The following TSPEAR variants were observed in gnomAD, a reference collection of about 807,000 sequenced individuals.
TSPEAR encodes thrombospondin-type laminin G domain and EAR repeat-containing protein.
In TSPEAR, 69 loss-of-function variants were observed where a neutral mutation model predicts 71.6. The observed-to-expected ratio is 0.96, with a 90% CI of 0.79 to 1.18. TSPEAR has a LOEUF of 1.18. Among genes scored for constraint, TSPEAR ranks in the 50% most tolerant of loss-of-function variants. The pLI is 0.00. For missense variants in TSPEAR, 971 were observed against 894.9 expected, an observed-to-expected ratio of 1.09 and a Z score of -1.09; for synonymous variants, 402 against 387.2, an observed-to-expected ratio of 1.04 and a Z score of -0.45.
In TSPEAR at chr21:44,529,814, C is replaced by T. The variant is rs2052930640; in HGVS notation, c.774G>A (p.Val258=). 6.2e-7 allele frequency: 1 copy of T among 1,613,780 alleles called. No individual in the cohort carries two copies. The highest frequency in any genetic ancestry group is 8.5e-7 in the Non-Finnish European group (1 of 1,179,974). Residue 258 remains valine (V), a synonymous_variant, in exon 5 of 12, where the codon GTG becomes GTA. Transcript: ENST00000323084. ...ALTGKPEDNE[V]LKYPYETNIR... ...CCTACTAACCATAGGGATATTTTAG[C>T]ACCTCGTTATCTTCTGGCTTCCCCG...
chr21:44,517,039 T>C (rs1263478187), intron 9 of TSPEAR, among the ~76,000 whole-genome samples: 1 of 152,156 alleles, frequency 6.6e-6, no homozygotes, highest in Admixed American at 6.5e-5. Context: ...GGCCCCTGTG[T>C]CTCTGCCTTC....
At chr21:44,573,551 C>G (rs1279983017) in intron 1 of TSPEAR, among the ~76,000 whole-genome samples, 7 of 152,316 alleles carry the variant, frequency 4.6e-5, no homozygotes, top group Middle Eastern at 3.4e-3. Flanking sequence ...AGCAACAGCT[C>G]TTGGGAAACA....
intron 2 of TSPEAR, chr21:44,550,772 G>A (rs2146029881): frequency 6.2e-7 from 1 of 1,614,226 alleles, no homozygotes; most frequent in East Asian, 2.2e-5. Flanking sequence ...GGGACACAGA[G>A]GAGGAGGGTC....
rs1284254547 is a variant in TSPEAR at position 44,689,739 on chromosome 21, A to T, written c.82+21694T>A. ...TATATATATATATATATATATATAT[A>T]TTTTGGGGGGGGTTACTAAGTATTA... On this transcript the variant is annotated intron_variant, in intron 1 of 11. Transcript: ENST00000323084. Among the ~76,000 whole-genome samples, 285 of 128,176 alleles carry T rather than the reference A, an allele frequency of 2.2e-3. 8 individuals carry two copies. The highest frequency in any genetic ancestry group is 8.5e-3 in the African/African-American group (269 of 31,672). The allele number at this position is 128,176 out of a possible 152,430, so 84.1% of individuals were successfully genotyped here. A position where few individuals can be genotyped will look rare whatever the true frequency, so the allele number is the denominator to read the frequency against.
chr21:44,674,756 G>A (rs1038681716), intron 1 of TSPEAR, among the ~76,000 whole-genome samples: 30 of 147,818 alleles, frequency 2.0e-4, no homozygotes, highest in Middle Eastern at 3.2e-3. Flanking sequence ...GTGTGTGTGT[G>A]TGTGTGTGTG....
intron 1 of TSPEAR, among the ~76,000 whole-genome samples, chr21:44,689,925 G>A (rs1477534781): frequency 1.3e-5 from 2 of 151,332 alleles, no homozygotes; most frequent in African/African-American, 2.4e-5. Context: ...GGCCAGTCTC[G>A]CCTCTTCACA....
chr21:44,637,828 C>A (rs781914044), intron 1 of TSPEAR: 1 of 1,384,306 alleles, frequency 7.2e-7, no homozygotes, highest in Non-Finnish European at 9.9e-7. Flanking sequence ...CAACTTGCTG[C>A]ACCTCCTCCC....
At chr21:44,535,299 C>A (rs587672500) in intron 2 of TSPEAR, among the ~76,000 whole-genome samples, 1 of 152,166 alleles carries the variant, frequency 6.6e-6, no homozygotes, top group East Asian at 1.9e-4. Flanking sequence ...GACCTCAGAG[C>A]TTTTTGGCTT....
At chr21:44,521,791 G>A in intron 9 of TSPEAR, 92 bp downstream of exon 9, 1 of 1,264,726 alleles carries the variant, frequency 7.9e-7, no homozygotes, top group Admixed American at 1.9e-5. Context: ...GGCTCTCGGT[G>A]GACCCCCAGC....
chr21:44,663,079 T>C (rs1250609004), intron 1 of TSPEAR, among the ~76,000 whole-genome samples: 1 of 147,154 alleles, frequency 6.8e-6, no homozygotes, highest in East Asian at 2.0e-4. Context: ...AAACTCAAAA[T>C]TAGCAAAAGA....
intron 1 of TSPEAR, chr21:44,580,610 G>T (rs1555924997): frequency 8.2e-6 from 13 of 1,587,498 alleles, no homozygotes; most frequent in Non-Finnish European, 1.0e-5. Flanking sequence ...GCTGGGAGCT[G>T]GGGGAGGTGT....
rs1986909705 is a variant in TSPEAR, at chr21:44,687,432, C to G, written c.82+24001G>C. Among the ~76,000 whole-genome samples the G allele has an allele frequency of 6.6e-6, 1 of 152,212 alleles. No individual in the cohort carries two copies. Among genetic ancestry groups the G allele is most frequent in the Admixed American group, 6.5e-5 (1 of 15,282 alleles). On this transcript the variant is annotated intron_variant, in intron 1 of 11. Coordinates refer to ENST00000323084, the MANE Select transcript of TSPEAR (RefSeq NM_144991.3). The surrounding 1 kb of genome is among the most constrained non-coding windows in gnomAD (Gnocchi z 4.4). ...ATAAACACAGCGTGACAGAGCGGTA[C>G]AGCGGAATCCACACCAGCACTGAGG... is the stretch of plus-strand genomic sequence containing the variant.
intron 1 of TSPEAR, chr21:44,592,026 C>A: frequency 6.3e-7 from 1 of 1,590,294 alleles, no homozygotes; most frequent in Non-Finnish European, 8.6e-7. Context: ...CACAGCAGGC[C>A]TGCTGGCAGG....
chr21:44,591,589 C>G, intron 1 of TSPEAR: 4 of 1,613,344 alleles, frequency 2.5e-6, no homozygotes, highest in Non-Finnish European at 3.4e-6. Flanking sequence ...GGAGGAGGAT[C>G]TGCAGCAGGA....
intron 2 of TSPEAR, among the ~76,000 whole-genome samples, chr21:44,535,896 CAAA>C (rs10712664): frequency 4.4e-5 from 6 of 136,844 alleles, no homozygotes; most frequent in African/African-American, 5.5e-5. Context: ...CTATGTTTAT[CAAA>C]AAAAAAAAAA....
intron 1 of TSPEAR, among the ~76,000 whole-genome samples, chr21:44,709,682 G>A (rs1218383350): frequency 2.6e-5 from 4 of 152,258 alleles, no homozygotes; most frequent in African/African-American, 9.6e-5. Context: ...CGCAGCCACG[G>A]CCCGGTGCCT....
chr21:44,571,634 T>A (rs149923830), intron 1 of TSPEAR, among the ~76,000 whole-genome samples: 1 of 152,122 alleles, frequency 6.6e-6, no homozygotes, highest in Admixed American at 6.5e-5. Context: ...GAGATGAACT[T>A]GGACCCAAAA....
chr21:44,702,490 C>T (rs966797602), intron 1 of TSPEAR: 3 of 1,608,736 alleles, frequency 1.9e-6, no homozygotes, highest in Non-Finnish European at 2.5e-6. Flanking sequence ...CTGCTGCAAG[C>T]CTGTCTGTTG....
chr21:44,682,954 G>A (rs559745511), intron 1 of TSPEAR, among the ~76,000 whole-genome samples: 73 of 152,290 alleles, frequency 4.8e-4, no homozygotes, highest in African/African-American at 1.8e-3. Flanking sequence ...GGGCAGGGCT[G>A]TGCATTCCCA....
Sources: allele counts gnomAD v4.1 joint callset (sites outside exome capture counted in the v4.1 genomes callset), GRCh38; gene constraint gnomAD v4.1.1; non-coding constraint Gnocchi (gnomAD v3.1); transcripts MANE v1.5; gene names NCBI Gene and HGNC (gene_info 2026-07-23, HGNC 2026-07-21).